Variants in TSHR observed in about 807,000 individuals in gnomAD.
TSHR encodes the protein thyroid stimulating hormone receptor.
A neutral mutation model predicts 64.1 loss-of-function variants in TSHR; 51 were observed. The observed-to-expected ratio is 0.80, with a 90% CI of 0.64 to 1.01. The LOEUF (loss-of-function observed/expected upper bound fraction) is 1.01, where lower values mean the gene tolerates loss of function less well. Ranked by LOEUF, TSHR falls within the 50% of genes least tolerant of loss-of-function variation. The pLI is 0.00. For missense variants in TSHR, 877 were observed against 942.8 expected (o/e 0.93, Z 0.91); for synonymous variants, 361 against 361.9 (o/e 1.00, Z 0.03).
chr14:80,977,489 T>G (rs1887940374), intron 1 of TSHR, among the ~76,000 whole-genome samples: 1 of 152,228 alleles, frequency 6.6e-6, no homozygotes, highest in Admixed American at 6.5e-5. Context: ...GGTCAAATAT[T>G]CAGTCTCAAA....
At position 81,072,499 on chromosome 14, in the gene TSHR, A is replaced by G. The variant is rs374670639; in HGVS notation, c.317+4171A>G. ...TAGAAGACTGGATAACTAACAGGCT[A>G]ATAGTAGTGGGGAATGGAATGAAAT... On this transcript the variant is annotated intron_variant, in intron 3 of 9. Transcript: ENST00000298171. Among the ~76,000 whole-genome samples, 21 of 152,290 alleles carry G rather than the reference A, an allele frequency of 1.4e-4. 1 individual carries two copies. The South Asian group carries it at 1.9e-3, about 14-fold the overall frequency.
At chr14:81,090,974 C>A (rs1468755454) in intron 4 of TSHR, 95 bp from the exon 5 acceptor site, 49 of 1,074,046 alleles carry the variant, frequency 4.6e-5, no homozygotes, top group Non-Finnish European at 6.5e-5. Flanking sequence ...GTCTTCAGAA[C>A]CCATGCTTTC....
chr14:81,130,983 G>A lies in TSHR; in HGVS notation c.693-8696G>A, dbSNP rs1441659674. On this transcript the variant is annotated intron_variant, in intron 8 of 9. Transcript: ENST00000298171. Reference sequence around the variant, plus strand: ...TCCGCAGTCCGGCCTGGGCGACAGAGCGAGACTCCGTCTCCAAAAAAAAAA... The same window carrying A: ...TCCGCAGTCCGGCCTGGGCGACAGAACGAGACTCCGTCTCCAAAAAAAAAA... Among the ~76,000 whole-genome samples, 3 of 82,912 alleles carry A rather than the reference G, an allele frequency of 3.6e-5. 1 individual carries two copies. The highest frequency in any genetic ancestry group is 6.0e-5 in the Non-Finnish European group (3 of 50,034). The allele number at this position is 82,912 out of a possible 152,430, so 54.4% of individuals were successfully genotyped here. A position where few individuals can be genotyped will look rare whatever the true frequency, so the allele number is the denominator to read the frequency against.
chr14:80,968,890 A>C (rs1041210714), intron 1 of TSHR, among the ~76,000 whole-genome samples: 3 of 152,186 alleles, frequency 2.0e-5, no homozygotes, highest in Non-Finnish European at 4.4e-5. Context: ...TCAAATGACC[A>C]GGTGGTCATT....
intron 8 of TSHR, among the ~76,000 whole-genome samples, chr14:81,114,127 A>C: frequency 1.9e-5 from 1 of 51,826 alleles, no homozygotes; most frequent in African/African-American, 4.4e-5. Flanking sequence ...AGGCCCAAGG[A>C]AAAGAAAAAA....
At chr14:80,959,041 A>G (rs1457718813) in intron 1 of TSHR, among the ~76,000 whole-genome samples, 1 of 152,204 alleles carries the variant, frequency 6.6e-6, no homozygotes, top group Non-Finnish European at 1.5e-5. Context: ...ATTGTTCTGA[A>G]AGGTAAACAG....
chr14:80,993,244 A>G (rs1349926285), intron 1 of TSHR: 1 of 152,220 alleles, frequency 6.6e-6, no homozygotes, highest in Non-Finnish European at 1.5e-5. Flanking sequence ...CAGCTGTTCA[A>G]CAATGGAATG....
At position 81,144,870 on chromosome 14, in the gene TSHR, C is replaced by A. The variant is rs536762641; in HGVS notation, c.*517C>A. ...AAGCCAAACACAGCTAGCTGTCATA[C>A]AAGAAACAGCTATTATGAGACATGA... is the stretch of plus-strand genomic sequence containing the variant. On this transcript the variant is annotated 3_prime_UTR_variant, in exon 10 of 10. Transcript: ENST00000298171. 1.3e-5 allele frequency: 3 copies of A among 237,660 alleles called. No homozygotes were observed. The highest frequency in any genetic ancestry group is 4.4e-5 in the African/African-American group (2 of 45,486). The allele number at this position is 237,660 out of a possible 1,614,324, so 14.7% of individuals were successfully genotyped here.
intron 4 of TSHR, among the ~76,000 whole-genome samples, chr14:81,089,090 C>A (rs1014346977): frequency 2.0e-5 from 3 of 151,074 alleles, no homozygotes; most frequent in Non-Finnish European, 2.9e-5. Flanking sequence ...TGCATTCAAG[C>A]GATTCTCCTG....
intron 3 of TSHR, among the ~76,000 whole-genome samples, chr14:81,084,247 A>G (rs1888119752): frequency 6.6e-6 from 1 of 152,228 alleles, no homozygotes; most frequent in Admixed American, 6.5e-5. Flanking sequence ...AAAACAGCAT[A>G]CTTAAGCAGC....
intron 6 of TSHR, among the ~76,000 whole-genome samples, chr14:81,093,350 T>A (rs1184288179): frequency 6.6e-6 from 1 of 152,240 alleles, no homozygotes; most frequent in Non-Finnish European, 1.5e-5. Flanking sequence ...AATAGAGGTA[T>A]AAAGGATAAG....
At chr14:81,142,176 G>C (rs1891717067) in intron 9 of TSHR, among the ~76,000 whole-genome samples, 1 of 152,110 alleles carries the variant, frequency 6.6e-6, no homozygotes, top group South Asian at 2.1e-4. Flanking sequence ...CACCTCCCAG[G>C]TTTAAGCGAT....
intron 8 of TSHR, among the ~76,000 whole-genome samples, chr14:81,126,165 T>C (rs754169310): frequency 6.6e-6 from 1 of 152,164 alleles, no homozygotes; most frequent in Non-Finnish European, 1.5e-5. Context: ...GCAATCTATA[T>C]TGGCAAGGTT....
At chr14:81,111,275 A>C (rs1890213066) in intron 8 of TSHR, among the ~76,000 whole-genome samples, 1 of 152,236 alleles carries the variant, frequency 6.6e-6, no homozygotes, top group Non-Finnish European at 1.5e-5. Context: ...CAGTGTGTTT[A>C]GTTGAAGTAG....
intron 1 of TSHR, among the ~76,000 whole-genome samples, chr14:80,990,731 C>T (rs1232590939): frequency 6.6e-6 from 1 of 152,016 alleles, no homozygotes; most frequent in African/African-American, 2.4e-5. Flanking sequence ...CTCGGCTTAC[C>T]GCAACCTCCG....
At chr14:81,057,041 A>T (rs549755193) in intron 1 of TSHR, among the ~76,000 whole-genome samples, 3 of 152,324 alleles carry the variant, frequency 2.0e-5, no homozygotes, top group African/African-American at 7.2e-5. Context: ...TTTAAATCCT[A>T]TGCTTGCTGT....
At chr14:81,041,888 A>T (rs1566776674) in intron 1 of TSHR, among the ~76,000 whole-genome samples, 1 of 152,160 alleles carries the variant, frequency 6.6e-6, no homozygotes, top group South Asian at 2.1e-4. Context: ...ATGTAAGTAC[A>T]TTCTGTGATG....
chr14:81,127,852 G>A (rs140956732), intron 8 of TSHR, among the ~76,000 whole-genome samples: 1 of 152,318 alleles, frequency 6.6e-6, no homozygotes, highest in African/African-American at 2.4e-5. Context: ...ACGTGGAACT[G>A]TGAGTCCATT....
At chr14:81,119,421 T>C (rs1264426019) in intron 8 of TSHR, among the ~76,000 whole-genome samples, 1 of 141,538 alleles carries the variant, frequency 7.1e-6, no homozygotes, top group Non-Finnish European at 1.5e-5. Flanking sequence ...AAAAAACACA[T>C]GAAAAAATGT....
Sources: gnomAD v4.1 joint callset for allele counts (sites outside exome capture counted in the v4.1 genomes callset) on GRCh38, gnomAD v4.1.1 for gene constraint, MANE v1.5 for transcripts, NCBI Gene and HGNC (gene_info 2026-07-23, HGNC 2026-07-21) for gene names.